RSU1: variants seen among roughly 807,000 people sequenced by gnomAD.
RSU1 encodes the protein Ras suppressor protein 1, also known as rsu-1.
RSU1 carries 26 observed loss-of-function variants against 31.1 expected under a neutral mutation model. The observed-to-expected ratio is 0.84, with a 90% CI of 0.61 to 1.16. RSU1 has a LOEUF of 1.16. Among genes scored for constraint, RSU1 ranks in the 50% most tolerant of loss-of-function variants. The pLI is 0.00. For missense variants in RSU1, 320 were observed against 339.1 expected (o/e 0.94, Z 0.44); for synonymous variants, 164 against 136.3 (o/e 1.20, Z -1.41).
chr10:16,615,287 A>G (rs1343816305), intron 8 of RSU1, among the ~76,000 whole-genome samples: 1 of 152,240 alleles, frequency 6.6e-6, no homozygotes, highest in Non-Finnish European at 1.5e-5. Context: ...AAGACAAAGA[A>G]GGGCATTACA....
At chr10:16,681,879 C>A (rs1835333410) in intron 8 of RSU1, among the ~76,000 whole-genome samples, 2 of 152,238 alleles carry the variant, frequency 1.3e-5, no homozygotes, top group East Asian at 1.9e-4. Context: ...CTACCTGGAG[C>A]CTTTTTCCTC....
At chr10:16,594,971 A>G (rs979340487) in intron 8 of RSU1, among the ~76,000 whole-genome samples, 15 of 152,026 alleles carry the variant, frequency 9.9e-5, no homozygotes, top group African/African-American at 3.6e-4. Flanking sequence ...TTTAGTAGCA[A>G]TGGGGTTTCA....
chr10:16,672,540 G>C (rs1384412194), intron 8 of RSU1, among the ~76,000 whole-genome samples: 2 of 152,074 alleles, frequency 1.3e-5, no homozygotes, highest in African/African-American at 2.4e-5. Context: ...GCAATGAAAA[G>C]ATATCAACTA....
At chr10:16,642,198 G>A (rs1371139453) in intron 8 of RSU1, among the ~76,000 whole-genome samples, 2 of 151,448 alleles carry the variant, frequency 1.3e-5, no homozygotes, top group African/African-American at 4.9e-5. Flanking sequence ...CTGTAATAAC[G>A]TTACTGAAAA....
At chr10:16,772,419 T>C (rs1300797266) in intron 3 of RSU1, among the ~76,000 whole-genome samples, 1 of 152,116 alleles carries the variant, frequency 6.6e-6, no homozygotes, top group African/African-American at 2.4e-5. Context: ...ACACCACTTC[T>C]AAATTGCACT....
chr10:16,689,426 T>A (rs1012305976), intron 8 of RSU1, among the ~76,000 whole-genome samples: 3 of 152,254 alleles, frequency 2.0e-5, no homozygotes, highest in African/African-American at 7.2e-5. Context: ...GGCCACTGAC[T>A]CAGCAGTCAC....
chr10:16,640,055 C>A (rs1834414225), intron 8 of RSU1, among the ~76,000 whole-genome samples: 2 of 151,924 alleles, frequency 1.3e-5, no homozygotes, highest in Admixed American at 1.3e-4. Context: ...TCCAAAGTTT[C>A]TTTAGAAGTA....
intron 8 of RSU1, among the ~76,000 whole-genome samples, chr10:16,596,678 T>A (rs1833620033): frequency 6.6e-6 from 1 of 152,134 alleles, no homozygotes; most frequent in Non-Finnish European, 1.5e-5. Flanking sequence ...AGCAAAAAAA[T>A]ACGTATGTAC....
At chr10:16,720,370 A>G (rs72774629) in intron 7 of RSU1, among the ~76,000 whole-genome samples, 2,645 of 152,360 alleles carry the variant, frequency 0.017, 31 homozygotes, top group Middle Eastern at 0.027. Flanking sequence ...GAAATAAATT[A>G]TCAAATAGAA....
chr10:16,720,155 G>A lies in RSU1; in HGVS notation c.599-25000C>T, dbSNP rs1367518729. On this transcript the variant is annotated intron_variant, in intron 7 of 8. Transcript: ENST00000345264. ...TCTTTCCAATCTTTCCTTTTTCCCCGTCTCTTCCCTTTAAAGAAACATGAC... is the reference window on the plus strand; with the variant it reads ...TCTTTCCAATCTTTCCTTTTTCCCCATCTCTTCCCTTTAAAGAAACATGAC... Among the ~76,000 whole-genome samples the A allele has an allele frequency of 6.6e-5, 10 of 152,038 alleles. No individual in the cohort carries two copies. The South Asian group carries it at 8.3e-4, about 13-fold the overall frequency.
chr10:16,629,753 T>C (rs1834216701), intron 8 of RSU1, among the ~76,000 whole-genome samples: 1 of 152,180 alleles, frequency 6.6e-6, no homozygotes, highest in Non-Finnish European at 1.5e-5. Context: ...AAATTTTCCC[T>C]GAGAAATGAC....
chr10:16,763,152 C>A (rs1837243323), intron 4 of RSU1, among the ~76,000 whole-genome samples: 1 of 152,188 alleles, frequency 6.6e-6, no homozygotes, highest in Non-Finnish European at 1.5e-5. Context: ...TGGGCAGTTT[C>A]ATCTGATAGC....
intron 7 of RSU1, among the ~76,000 whole-genome samples, chr10:16,709,808 CTG>C (rs1835981342): frequency 1.3e-5 from 2 of 152,108 alleles, no homozygotes; most frequent in Admixed American, 1.3e-4. Flanking sequence ...TGAGAAGTGT[CTG>C]TTCATATCCT....
chr10:16,695,265 C>T, intron 7 of RSU1, 110 bp from the exon 8 acceptor site: 3 of 1,013,694 alleles, frequency 3.0e-6, no homozygotes, highest in Non-Finnish European at 4.2e-6. Context: ...ACCCTAAGTG[C>T]CTCTTGGATC....
At chr10:16,688,684 A>C (rs1293783631) in intron 8 of RSU1, among the ~76,000 whole-genome samples, 1 of 152,198 alleles carries the variant, frequency 6.6e-6, no homozygotes, top group Non-Finnish European at 1.5e-5. Flanking sequence ...ATACATAGTC[A>C]ACTTGTAAAA....
intron 7 of RSU1, chr10:16,748,283 A>C (rs996590327): frequency 2.6e-5 from 4 of 152,028 alleles, no homozygotes; most frequent in African/African-American, 9.7e-5. Flanking sequence ...ATCCGGCTGC[A>C]TGCCTTTCCA....
intron 8 of RSU1, among the ~76,000 whole-genome samples, chr10:16,656,446 A>G (rs1008575132): frequency 6.6e-6 from 1 of 152,326 alleles, no homozygotes; most frequent in Admixed American, 6.5e-5. Context: ...TACAAATGAG[A>G]TTAAGTTTTT....
chr10:16,618,387 A>G (rs1282363200), intron 8 of RSU1, among the ~76,000 whole-genome samples: 3 of 152,214 alleles, frequency 2.0e-5, no homozygotes, highest in Non-Finnish European at 2.9e-5. Flanking sequence ...GGGAGTGTAA[A>G]TTAGTTTAAC....
chr10:16,650,250 G>A (rs1834656756), intron 8 of RSU1, among the ~76,000 whole-genome samples: 1 of 152,232 alleles, frequency 6.6e-6, no homozygotes. Flanking sequence ...AAGGTTGACA[G>A]GAGGAGGCAG....
Sources: gnomAD v4.1 joint callset for allele counts (sites outside exome capture counted in the v4.1 genomes callset) on GRCh38, gnomAD v4.1.1 for gene constraint, MANE v1.5 for transcripts, NCBI Gene and HGNC (gene_info 2026-07-23, HGNC 2026-07-21) for gene names.